Variants in XPO4 observed in about 807,000 individuals in gnomAD.
The protein encoded by XPO4 is exportin 4.
Under a neutral mutation model 143.0 loss-of-function variants are expected in XPO4, and 39 were observed. The ratio of observed to expected loss-of-function variants is 0.27; its 90% CI spans 0.21 to 0.36. XPO4 has a LOEUF of 0.36. Among genes scored for constraint, XPO4 ranks in the 10% least tolerant of loss-of-function variants. The pLI is 1.00. For missense variants in XPO4, 907 were observed against 1,348.0 expected, an observed-to-expected ratio of 0.67 and a Z score of 5.12; for synonymous variants, 439 against 474.0, an observed-to-expected ratio of 0.93 and a Z score of 0.96.
chr13:20,892,276 T>C (rs1295758638), intron 1 of XPO4, among the ~76,000 whole-genome samples: 3 of 152,048 alleles, frequency 2.0e-5, no homozygotes, highest in Admixed American at 2.0e-4. Context: ...TTAGTAGACA[T>C]GGGGTTTCAC....
chr13:20,893,899 A>G (rs1312252395), intron 1 of XPO4, among the ~76,000 whole-genome samples: 3 of 152,154 alleles, frequency 2.0e-5, no homozygotes, highest in Non-Finnish European at 2.9e-5. Flanking sequence ...GCTGGAGTGC[A>G]ATGGCATGAT....
intron 3 of XPO4, chr13:20,859,933 G>A (rs1295281627): frequency 2.5e-6 from 2 of 801,722 alleles, no homozygotes; most frequent in Non-Finnish European, 3.0e-6. Flanking sequence ...TCAGGTTGGG[G>A]AATGGCGACA....
At chr13:20,794,960 G>A (rs1397355180) in intron 18 of XPO4, among the ~76,000 whole-genome samples, 1 of 150,794 alleles carries the variant, frequency 6.6e-6, no homozygotes, top group Non-Finnish European at 1.5e-5. Flanking sequence ...TGAAGTTGAT[G>A]GTACCTAGCT....
Position 20,843,046 on chromosome 13 carries a change from T to C in XPO4, c.576A>G (p.Glu192=), listed in dbSNP as rs1357779175. 4 of 1,604,766 alleles carry C rather than the reference T, an allele frequency of 2.5e-6. No individual in the cohort carries two copies. The highest frequency in any genetic ancestry group is 3.4e-6 in the Non-Finnish European group (4 of 1,175,476). Residue 192 remains glutamate, a splice_region_variant and synonymous_variant, in exon 6 of 23, where the codon GAA becomes GAG. Coordinates refer to ENST00000255305, the MANE Select transcript of XPO4 (RefSeq NM_022459.5). ...ACATGAAGATCTGACGAAGGTCTTC[T>C]TCCTATAGTCAATAAATCACAAATA... is the stretch of plus-strand genomic sequence containing the variant. The part of the protein sequence containing the change: ...FHGNCKRVFQ[E]EDLRQIFMLT...
At chr13:20,859,982 A>C in intron 3 of XPO4, 2 of 321,208 alleles carry the variant, frequency 6.2e-6, no homozygotes, top group Non-Finnish European at 9.0e-6. Context: ...CAGCTCCACA[A>C]AAAAGAACCG....
In XPO4 at chr13:20,862,800, A is replaced by T; in HGVS notation, c.234T>A (p.Val78=). 1 of 1,614,206 alleles carries T rather than the reference A, an allele frequency of 6.2e-7. No individual in the cohort carries two copies. The highest frequency in any genetic ancestry group is 8.5e-7 in the Non-Finnish European group (1 of 1,180,026). ...TTTCCAAGAGAATCCACTCTCGGAC[A>T]ACTGCTTCCATTATGGCTGTGGCAG... is the stretch of plus-strand genomic sequence containing the variant. ...FQAATAIMEA[V]VREWILLEKG... is the part of the protein sequence containing the mutation. Residue 78 remains valine, a synonymous_variant, in exon 3 of 23, where the codon GTT becomes GTA. Transcript: ENST00000255305.
intron 1 of XPO4, among the ~76,000 whole-genome samples, chr13:20,880,173 C>T (rs2060393830): frequency 6.6e-6 from 1 of 152,198 alleles, no homozygotes; most frequent in Admixed American, 6.5e-5. Flanking sequence ...GTGGCTCATG[C>T]CTGTAATCCC....
At chr13:20,818,552 T>C (rs543982174) in intron 9 of XPO4, among the ~76,000 whole-genome samples, 60 of 152,338 alleles carry the variant, frequency 3.9e-4, no homozygotes, top group African/African-American at 1.2e-3. Context: ...AACAAAGTCT[T>C]ACATGTGGAA....
At chr13:20,861,775 CTCTTTTTTTT>C (rs1340702060) in intron 3 of XPO4, among the ~76,000 whole-genome samples, 8 of 123,212 alleles carry the variant, frequency 6.5e-5, no homozygotes, top group African/African-American at 2.6e-4. Context: ...GCACATTTCT[CTCTTTTTTTT>C]TTTTTTTTTT....
chr13:20,799,027 A>G, intron 16 of XPO4, 138 bp downstream of exon 16: 1 of 962,584 alleles, frequency 1.0e-6, no homozygotes, highest in Non-Finnish European at 1.5e-6. Context: ...TCTCAGAAAA[A>G]AAAAAAAAAG....
In XPO4 at chr13:20,880,432, C is replaced by CA. The variant is rs1201714994; in HGVS notation, c.70-11732dup. Among the ~76,000 whole-genome samples, 570 of 115,540 alleles carry CA rather than the reference C, an allele frequency of 4.9e-3. 6 individuals are homozygous for CA. The highest frequency in any genetic ancestry group is 0.017 in the African/African-American group (519 of 30,714). 75.8% of individuals were successfully genotyped at this position (115,540 alleles called of 152,430 possible). On this transcript the variant is annotated intron_variant, in intron 1 of 22. Transcript: ENST00000255305. Reference sequence around the variant, plus strand: ...GGGCGACAAGAGCGAGACTCCGTCTCAAAAAAAAAAGAAAAGAAAAAAAAA... The same window carrying CA: ...GGGCGACAAGAGCGAGACTCCGTCTCAAAAAAAAAAAGAAAAGAAAAAAAAA...
At chr13:20,857,885 A>T (rs1358430222) in intron 3 of XPO4, 4 of 985,288 alleles carry the variant, frequency 4.1e-6, no homozygotes, top group Non-Finnish European at 2.4e-6. Context: ...TTCACTGTAT[A>T]CAAATTTTAT....
intron 19 of XPO4, 112 bp downstream of exon 19, chr13:20,790,350 T>C: frequency 1.2e-6 from 1 of 829,544 alleles, no homozygotes; most frequent in Non-Finnish European, 2.0e-6. Flanking sequence ...TATCTTCATG[T>C]GCACTTAGCA....
At chr13:20,855,202 T>C (rs2060130343) in intron 4 of XPO4, among the ~76,000 whole-genome samples, 2 of 152,130 alleles carry the variant, frequency 1.3e-5, no homozygotes, top group African/African-American at 4.8e-5. Flanking sequence ...ACACCTGTAA[T>C]ACCAGCACTT....
At chr13:20,836,498 C>G (rs988408616) in intron 6 of XPO4, among the ~76,000 whole-genome samples, 1 of 152,142 alleles carries the variant, frequency 6.6e-6, no homozygotes, top group Non-Finnish European at 1.5e-5. Flanking sequence ...TGACATGGAT[C>G]CTCTGCTCCT....
intron 1 of XPO4, among the ~76,000 whole-genome samples, chr13:20,879,878 C>A (rs929097877): frequency 3.9e-5 from 6 of 152,082 alleles, no homozygotes; most frequent in East Asian, 1.9e-4. Flanking sequence ...TGACAAAAAA[C>A]CAAATAACCT....
At chr13:20,883,179 T>C (rs891409942) in intron 1 of XPO4, among the ~76,000 whole-genome samples, 3 of 152,242 alleles carry the variant, frequency 2.0e-5, no homozygotes, top group South Asian at 2.1e-4. Flanking sequence ...CCTCTGTCAA[T>C]AGTTATCTTC....
intron 3 of XPO4, 121 bp downstream of exon 3, chr13:20,862,596 G>A: frequency 8.0e-7 from 1 of 1,250,004 alleles, no homozygotes. Flanking sequence ...CCAAAGTGGA[G>A]ATTATAGGTG....
intron 4 of XPO4, chr13:20,849,070 C>G: frequency 1.0e-6 from 1 of 985,436 alleles, no homozygotes; most frequent in Non-Finnish European, 1.2e-6. Context: ...CACCAGCTTA[C>G]TGTCACAAGC....
Sources: gnomAD v4.1 joint callset for allele counts (sites outside exome capture counted in the v4.1 genomes callset) on GRCh38, gnomAD v4.1.1 for gene constraint, MANE v1.5 for transcripts, NCBI Gene and HGNC (gene_info 2026-07-23, HGNC 2026-07-21) for gene names.